PIWIL3: variants seen among roughly 807,000 people sequenced by gnomAD.
PIWIL3 encodes piwi like RNA-mediated gene silencing 3, also known as piwi-like protein 3.
PIWIL3 carries 101 observed loss-of-function variants against 109.7 expected under a neutral mutation model. The ratio of observed to expected loss-of-function variants is 0.92; its 90% confidence interval spans 0.78 to 1.09. PIWIL3 has a LOEUF of 1.09. PIWIL3 is among the 50% of genes least tolerant of loss of function. The pLI, the probability that PIWIL3 is intolerant of heterozygous loss-of-function variation, is 0.00. For synonymous variants in PIWIL3, 373 were observed against 376.4 expected, an observed-to-expected ratio of 0.99 and a Z score of 0.10; for missense variants, 1,031 against 1,072.6, an observed-to-expected ratio of 0.96 and a Z score of 0.54.
At chr22:24,721,397 T>C (rs1012795227) in intron 19 of PIWIL3, among the ~76,000 whole-genome samples, 1 of 152,226 alleles carries the variant, frequency 6.6e-6, no homozygotes, top group Admixed American at 6.5e-5. Context: ...CAAATCTTGT[T>C]ATTCTTCAGT....
At chr22:24,728,527 G>A in intron 14 of PIWIL3, 153 bp from the exon 15 acceptor site, 5 of 660,540 alleles carry the variant, frequency 7.6e-6, no homozygotes, top group African/African-American at 3.6e-5. Context: ...GAAGGGTCTA[G>A]AGCCATGTTA....
Position 24,749,028 on chromosome 22 carries a change from A to G in PIWIL3, c.1335-7T>C. Reference sequence around the variant, plus strand: ...CTCTCGTACTTTTTTATTACTGAAAATTAAAATATTGCCAACATGATCAAA... The same window carrying G: ...CTCTCGTACTTTTTTATTACTGAAAGTTAAAATATTGCCAACATGATCAAA... On this transcript the variant is annotated splice_region_variant and splice_polypyrimidine_tract_variant and intron_variant, in intron 11 of 20. Transcript: ENST00000616349. 1 of 1,590,482 alleles carries G rather than the reference A, an allele frequency of 6.3e-7. No homozygotes were observed. The highest frequency in any genetic ancestry group is 8.6e-7 in the Non-Finnish European group (1 of 1,161,578).
chr22:24,735,936 G>A (rs1046134870), intron 12 of PIWIL3, 44 bp from the exon 13 acceptor site: 19 of 1,460,642 alleles, frequency 1.3e-5, no homozygotes, highest in Non-Finnish European at 1.8e-5. Flanking sequence ...TTATTTTAAA[G>A]ATCAACTTAT....
At chr22:24,746,634 C>CAA (rs35315202) in intron 12 of PIWIL3, among the ~76,000 whole-genome samples, 8,203 of 142,782 alleles carry the variant, frequency 0.057, 304 homozygotes, top group South Asian at 0.13. Context: ...CTAACGACTC[C>CAA]AAAAAAAAAA....
At chr22:24,740,239 T>C (rs1289347542) in intron 12 of PIWIL3, among the ~76,000 whole-genome samples, 4 of 67,738 alleles carry the variant, frequency 5.9e-5, no homozygotes, top group Non-Finnish European at 6.9e-5. Context: ...AAAAAATTTC[T>C]AAAAGCTCAA....
chr22:24,774,169 C>T (rs8141311), intron 1 of PIWIL3, among the ~76,000 whole-genome samples, 153 bp downstream of exon 1: 30,323 of 152,028 alleles, frequency 0.2, 3,320 homozygotes, highest in Admixed American at 0.32. Context: ...GAAGATGTAA[C>T]TTAGACAAAG....
chr22:24,760,037 C>A, intron 2 of PIWIL3, 48 bp from the exon 3 acceptor site: 2 of 1,606,276 alleles, frequency 1.2e-6, no homozygotes, highest in South Asian at 1.1e-5. Context: ...CTACTGTGTT[C>A]ATTCTCCCTC....
intron 12 of PIWIL3, among the ~76,000 whole-genome samples, chr22:24,743,179 T>TA (rs572163583): frequency 1.8e-4 from 27 of 149,822 alleles, no homozygotes; most frequent in East Asian, 5.8e-4. Flanking sequence ...CAATGGCAAT[T>TA]AAAAAAAAAA....
chr22:24,762,261 C>T, intron 2 of PIWIL3, 137 bp downstream of exon 2: 1 of 1,370,418 alleles, frequency 7.3e-7, no homozygotes, highest in South Asian at 1.7e-5. Flanking sequence ...TCTATACAGC[C>T]TGACTTTTCT....
In PIWIL3 at chr22:24,754,195, C is replaced by T. The variant is rs1924877216; in HGVS notation, c.796G>A (p.Gly266Ser). 6.2e-7 allele frequency: 1 copy of T among 1,613,688 alleles called. No individual in the cohort carries two copies. Among genetic ancestry groups the T allele is most frequent in the South Asian group, 1.1e-5 (1 of 91,054 alleles). Residue 266 changes from glycine (G) to serine (S), a missense_variant, in exon 8 of 21, where the codon GGT becomes AGT. By Grantham distance (56) the Gly-to-Ser change is moderately conservative. Transcript: ENST00000616349. Reference protein sequence around the residue: ...RHGTSLEIWLGYVTSVLQYEN... With the variant: ...RHGTSLEIWLSYVTSVLQYEN... The stretch of plus-strand genomic sequence containing the variant: ...TATTGAAGAACAGAAGTAACATAAC[C>T]AAGCCAGATTTCCAAACTGGTACTA...
intron 9 of PIWIL3, among the ~76,000 whole-genome samples, chr22:24,750,758 G>A (rs1355452913): frequency 6.7e-6 from 1 of 150,012 alleles, no homozygotes; most frequent in Non-Finnish European, 1.5e-5. Flanking sequence ...AAAGTGCTGG[G>A]ATTACAGGTG....
chr22:24,770,599 G>A lies in PIWIL3; in HGVS notation c.-23+3723C>T, dbSNP rs2147735831. On this transcript the variant is annotated intron_variant, in intron 1 of 20. Transcript: ENST00000616349. ...GCACTTTGGGAAGCTGAGGCGGGTGGATCACCTGAGGTCAGGAGTTCGAGA... is the reference window on the plus strand; with the variant it reads ...GCACTTTGGGAAGCTGAGGCGGGTGAATCACCTGAGGTCAGGAGTTCGAGA... Among the ~76,000 whole-genome samples, 2 of 149,290 alleles carry A rather than the reference G, an allele frequency of 1.3e-5. 1 individual carries two copies.
intron 12 of PIWIL3, among the ~76,000 whole-genome samples, chr22:24,742,559 G>C (rs1924073392): frequency 6.6e-6 from 1 of 152,162 alleles, no homozygotes; most frequent in African/African-American, 2.4e-5. Flanking sequence ...TAGGCACATA[G>C]ACCAATGGAA....
intron 12 of PIWIL3, among the ~76,000 whole-genome samples, chr22:24,743,718 G>A (rs1023746249): frequency 3.9e-5 from 6 of 152,052 alleles, no homozygotes; most frequent in Non-Finnish European, 7.4e-5. Flanking sequence ...TCAGTACAGT[G>A]TACACTGCTC....
At chr22:24,720,030 A>G in intron 19 of PIWIL3, 135 bp from the exon 20 acceptor site, 2 of 751,318 alleles carry the variant, frequency 2.7e-6, no homozygotes, top group Non-Finnish European at 4.0e-6. Context: ...CTTTACATTT[A>G]GAAACCTAAC....
intron 14 of PIWIL3, among the ~76,000 whole-genome samples, chr22:24,730,540 T>A (rs997477178): frequency 6.6e-6 from 1 of 152,046 alleles, no homozygotes; most frequent in Non-Finnish European, 1.5e-5. Flanking sequence ...ATCATATGCA[T>A]ATGGTGAAGG....
chr22:24,773,802 C>A (rs535715296), intron 1 of PIWIL3, among the ~76,000 whole-genome samples: 1 of 149,014 alleles, frequency 6.7e-6, no homozygotes, highest in South Asian at 2.1e-4. Context: ...GCAACCTCCG[C>A]CTCCCAGGTT....
At chr22:24,765,394 C>T (rs1035831487) in intron 1 of PIWIL3, among the ~76,000 whole-genome samples, 1 of 152,208 alleles carries the variant, frequency 6.6e-6, no homozygotes, top group African/African-American at 2.4e-5. Flanking sequence ...TCAATCTTCA[C>T]TAAACTTGAA....
chr22:24,750,148 C>A (rs572076638), intron 9 of PIWIL3, among the ~76,000 whole-genome samples: 1 of 152,150 alleles, frequency 6.6e-6, no homozygotes, highest in East Asian at 1.9e-4. Context: ...CTTTAAAACT[C>A]CCAAAGCATA....
Sources: allele counts gnomAD v4.1 joint callset (sites outside exome capture counted in the v4.1 genomes callset), GRCh38; gene constraint gnomAD v4.1.1; transcripts MANE v1.5; gene names NCBI Gene and HGNC (gene_info 2026-07-23, HGNC 2026-07-21).